NAA35: variants seen among roughly 807,000 people sequenced by gnomAD.
NAA35 encodes the protein MAK10 homolog, amino-acid N-acetyltransferase subunit.
A neutral mutation model predicts 101.7 loss-of-function variants in NAA35; 18 were observed. That is an observed-to-expected ratio of 0.18 (90% CI 0.12 to 0.26). The LOEUF is 0.26. NAA35 is among the 10% of genes least tolerant of loss of function. NAA35 has a pLI of 1.00. For synonymous variants in NAA35, 267 were observed against 273.1 expected, an observed-to-expected ratio of 0.98 and a Z score of 0.22; for missense variants, 601 against 886.8, an observed-to-expected ratio of 0.68 and a Z score of 4.09.
At chr9:85,982,919 A>G (rs897632959) in intron 11 of NAA35, among the ~76,000 whole-genome samples, 10 of 152,214 alleles carry the variant, frequency 6.6e-5, no homozygotes, top group Admixed American at 4.6e-4. Context: ...TTAGCCACTG[A>G]TAGAGGAAGT....
intron 11 of NAA35, among the ~76,000 whole-genome samples, chr9:85,986,234 A>C (rs531589908): frequency 4.6e-5 from 7 of 152,348 alleles, no homozygotes; most frequent in African/African-American, 1.7e-4. Flanking sequence ...CAGAATGCAT[A>C]TGAAAATTAA....
intron 2 of NAA35, among the ~76,000 whole-genome samples, chr9:85,955,464 G>A (rs948704222): frequency 1.4e-5 from 2 of 145,906 alleles, no homozygotes; most frequent in East Asian, 2.1e-4. Context: ...CTTGGTTCAC[G>A]CCATTCTCCT....
rs1000146855 is a variant in NAA35, at chr9:86,015,579, T to C, written c.1569-960T>C. ...AGGTCTAGGGTGAGACCGAATAATTTGCATTTCTAACTGGTTCTCAGGTGA... is the reference window on the plus strand; with the variant it reads ...AGGTCTAGGGTGAGACCGAATAATTCGCATTTCTAACTGGTTCTCAGGTGA... On this transcript the variant is annotated intron_variant, in intron 17 of 22. Coordinates refer to ENST00000361671, the MANE Select transcript of NAA35 (RefSeq NM_024635.4). The C allele has an allele frequency of 1.9e-5, 6 of 312,244 alleles. No individual in the cohort carries two copies. In the Admixed American group the frequency reaches 3.2e-4, roughly 17 times the overall value. 19.3% of individuals were successfully genotyped at this position (312,244 alleles called of 1,614,324 possible). A position where few individuals can be genotyped will look rare whatever the true frequency, so the allele number is the denominator to read the frequency against.
chr9:86,018,301 T>G lies in NAA35; in HGVS notation c.1820T>G (p.Phe607Cys). The G allele has an allele frequency of 6.2e-7, 1 of 1,614,024 alleles. No homozygotes were observed. Among genetic ancestry groups the G allele is most frequent in the Non-Finnish European group, 8.5e-7 (1 of 1,179,904 alleles). ...GACGGCAAAGTACGTAAACCGAAGT[T>G]TGAGCTTGATAGTGAACAAGTTCGG... ...DMDGKVRKPKFELDSEQVRYE... is the reference protein window; with the variant it reads ...DMDGKVRKPKCELDSEQVRYE... Residue 607 changes from phenylalanine to cysteine, a missense_variant, in exon 20 of 23, where the codon TTT becomes TGT. By Grantham distance (205) the Phe-to-Cys change is radical. Transcript: ENST00000361671.
At chr9:85,952,585 G>A (rs150964275) in intron 2 of NAA35, among the ~76,000 whole-genome samples, 255 of 152,066 alleles carry the variant, frequency 1.7e-3, no homozygotes, top group African/African-American at 5.8e-3. Context: ...GTGCCTGGCT[G>A]TGCAAGTGTT....
chr9:85,981,563 T>G (rs1168007767), intron 11 of NAA35, among the ~76,000 whole-genome samples: 1 of 152,180 alleles, frequency 6.6e-6, no homozygotes, highest in Admixed American at 6.5e-5. Context: ...AAAAATAGCT[T>G]GTGCATATGA....
chr9:85,958,477 G>C lies in NAA35; in HGVS notation c.164G>C (p.Gly55Ala). ...CTCAATTTTTTTATTTGCAGATTTGGTCTTTTTGAAGCCATGTCTGCTATT... is the reference window on the plus strand; with the variant it reads ...CTCAATTTTTTTATTTGCAGATTTGCTCTTTTTGAAGCCATGTCTGCTATT... Reference protein sequence around the residue: ...LGELLHDKLFGLFEAMSAIEM... With the variant: ...LGELLHDKLFALFEAMSAIEM... Residue 55 changes from glycine (G) to alanine (A), a missense_variant, in exon 4 of 23, where the codon GGT becomes GCT. By Grantham distance (60) the Gly-to-Ala change is moderately conservative. This residue lies in a region of NAA35 where 6 missense variants were observed against 23.7 expected (regional missense o/e 0.25). Coordinates refer to ENST00000361671, the MANE Select transcript of NAA35 (RefSeq NM_024635.4). 1 of 1,597,758 alleles carries C rather than the reference G, an allele frequency of 6.3e-7. No individual in the cohort carries two copies. Among genetic ancestry groups the C allele is most frequent in the Non-Finnish European group, 8.5e-7 (1 of 1,171,040 alleles).
intron 6 of NAA35, among the ~76,000 whole-genome samples, chr9:85,969,972 T>C (rs1008931928): frequency 1.3e-5 from 2 of 152,170 alleles, no homozygotes; most frequent in Non-Finnish European, 2.9e-5. Context: ...GTCACAGTCA[T>C]CAAAGACCTC....
intron 12 of NAA35, among the ~76,000 whole-genome samples, chr9:85,997,569 C>T (rs1413135707): frequency 6.6e-6 from 1 of 152,082 alleles, no homozygotes; most frequent in Non-Finnish European, 1.5e-5. Flanking sequence ...TCTCTAACTC[C>T]TGAACTCAAG....
chr9:85,949,582 T>G (rs542266542), intron 2 of NAA35, among the ~76,000 whole-genome samples: 1 of 152,248 alleles, frequency 6.6e-6, no homozygotes, highest in South Asian at 2.1e-4. Flanking sequence ...CGTGAGCCAC[T>G]GTGCCTGGCC....
chr9:86,015,123 A>G (rs1832141301), intron 17 of NAA35, among the ~76,000 whole-genome samples: 1 of 152,164 alleles, frequency 6.6e-6, no homozygotes, highest in East Asian at 1.9e-4. Context: ...GAAGCAGCTA[A>G]TGGGACCTTT....
rs531283661 is a variant in NAA35, at chr9:85,996,691, T to G, written c.1056+114T>G. On this transcript the variant is annotated intron_variant, in intron 12 of 22. Coordinates refer to ENST00000361671, the MANE Select transcript of NAA35 (RefSeq NM_024635.4). ...TTTAACAACAGAATAATTGATTGCT[T>G]TATAGACATTGACCAAGGGTAAATA... The G allele has an allele frequency of 1.9e-4, 133 of 717,624 alleles. 1 individual carries two copies. Among genetic ancestry groups the G allele is most frequent in the Admixed American group, 1.6e-3 (47 of 29,268 alleles). 44.5% of individuals were successfully genotyped at this position (717,624 alleles called of 1,614,324 possible).
chr9:86,018,455 G>A, intron 20 of NAA35, 60 bp downstream of exon 20: 2 of 1,546,594 alleles, frequency 1.3e-6, no homozygotes, highest in Non-Finnish European at 1.8e-6. Flanking sequence ...TTAGAGAGAT[G>A]CTGTTTGTAC....
At position 86,006,268 on chromosome 9, in the gene NAA35, G is replaced by A. The variant is rs1162828384; in HGVS notation, c.1117-1090G>A. 7.2e-5 allele frequency among the ~76,000 whole-genome samples: 11 copies of A among 152,100 alleles called. No homozygotes were observed. In the South Asian group the frequency reaches 1.0e-3, roughly 14 times the overall value. On this transcript the variant is annotated intron_variant, in intron 13 of 22. Coordinates refer to ENST00000361671, the MANE Select transcript of NAA35 (RefSeq NM_024635.4). ...GCTGCTTTGGAAAATAGCTTGGCAC[G>A]TTCTTATAAATTAAACATGCAGCTC... is the stretch of plus-strand genomic sequence containing the variant.
At chr9:85,946,844 C>T (rs1828787430) in intron 2 of NAA35, among the ~76,000 whole-genome samples, 1 of 152,120 alleles carries the variant, frequency 6.6e-6, no homozygotes, top group Non-Finnish European at 1.5e-5. Flanking sequence ...TGGTTAAGGC[C>T]TTCCATATCC....
intron 2 of NAA35, among the ~76,000 whole-genome samples, chr9:85,951,022 C>T (rs1828995011): frequency 6.6e-6 from 1 of 151,630 alleles, no homozygotes. Context: ...CCTGTAGTCC[C>T]AGCTACTTGG....
chr9:86,018,079 A>G (rs1377660304), intron 19 of NAA35, among the ~76,000 whole-genome samples, 176 bp from the exon 20 acceptor site: 3 of 152,232 alleles, frequency 2.0e-5, no homozygotes, highest in African/African-American at 7.2e-5. Flanking sequence ...AAAGCAGAAC[A>G]TGGACTTCTC....
chr9:85,990,118 C>A (rs1041990344), intron 11 of NAA35, among the ~76,000 whole-genome samples: 1 of 152,212 alleles, frequency 6.6e-6, no homozygotes, highest in Non-Finnish European at 1.5e-5. Context: ...CTGGTGAGGC[C>A]ATGCACTGGG....
At chr9:86,004,477 C>CA (rs149227840) in intron 13 of NAA35, among the ~76,000 whole-genome samples, 5,673 of 138,140 alleles carry the variant, frequency 0.041, 137 homozygotes, top group Non-Finnish European at 0.054. Flanking sequence ...GAGACCCTGT[C>CA]AAAAAAAAAA....
Sources: gnomAD v4.1 joint callset for allele counts (sites outside exome capture counted in the v4.1 genomes callset) on GRCh38, gnomAD v4.1.1 for gene constraint, gnomAD v4.1.1 regional missense constraint, MANE v1.5 for transcripts, NCBI Gene and HGNC (gene_info 2026-07-23, HGNC 2026-07-21) for gene names.